The following SDK1 variants were observed in gnomAD, a reference collection of about 807,000 sequenced individuals.
SDK1 encodes the protein protein sidekick-1.
SDK1 carries 157 observed loss-of-function variants against 245.5 expected under a neutral mutation model. The observed-to-expected ratio is 0.64, with a 90% CI of 0.56 to 0.73. The LOEUF (loss-of-function observed/expected upper bound fraction) is 0.73, where lower values mean the gene tolerates loss of function less well. Ranked by LOEUF, SDK1 falls within the 30% of genes least tolerant of loss-of-function variation. The probability of loss-of-function intolerance (pLI) is 0.00; values close to 1 mark genes in which losing one functional copy is unlikely to be tolerated. For missense variants in SDK1, 3,583 were observed against 3,002.3 expected (o/e 1.19, Z -4.52); for synonymous variants, 1,647 against 1,278.5 (o/e 1.29, Z -6.15).
At chr7:3,829,136 T>G (rs1779853149) in intron 5 of SDK1, among the ~76,000 whole-genome samples, 1 of 152,240 alleles carries the variant, frequency 6.6e-6, no homozygotes, top group Non-Finnish European at 1.5e-5. Flanking sequence ...TAAAATATAC[T>G]GAAATAGTAA....
intron 1 of SDK1, among the ~76,000 whole-genome samples, chr7:3,373,573 A>G (rs1469144320): frequency 1.3e-5 from 2 of 152,110 alleles, no homozygotes; most frequent in South Asian, 2.1e-4. Flanking sequence ...TGACAGTGAA[A>G]CCCTAGAAAC....
chr7:4,128,251 G>A lies in SDK1; in HGVS notation c.3939+755G>A, dbSNP rs185135157. Among the ~76,000 whole-genome samples the A allele has an allele frequency of 2.6e-3, 396 of 152,174 alleles. 5 individuals carry two copies. The highest frequency in any genetic ancestry group is 9.1e-3 in the African/African-American group (378 of 41,518). The stretch of plus-strand genomic sequence containing the variant: ...TTGAGCGTGCCTCCTCCACCTTTCC[G>A]TACTTCACATCCCTATTCTTTGTTT... On this transcript the variant is annotated intron_variant, in intron 26 of 44. Transcript: ENST00000404826.
intron 10 of SDK1, among the ~76,000 whole-genome samples, chr7:3,968,862 TGGGCAATTTACAAAGAAAAGA>T (rs1782269475): frequency 6.6e-6 from 1 of 152,218 alleles, no homozygotes; most frequent in East Asian, 1.9e-4. Context: ...TACCTGAGAC[TGGGCAATTTACAAAGAAAAGA>T]GGTTGAATTG....
At chr7:4,001,341 T>G (rs896287584) in intron 14 of SDK1, among the ~76,000 whole-genome samples, 4 of 152,196 alleles carry the variant, frequency 2.6e-5, no homozygotes, top group African/African-American at 7.2e-5. Context: ...TCCAACCTCC[T>G]GCCCCTTCTC....
intron 1 of SDK1, among the ~76,000 whole-genome samples, chr7:3,518,943 A>G (rs2128613818): frequency 1.3e-5 from 2 of 150,828 alleles, no homozygotes; most frequent in African/African-American, 4.9e-5. Flanking sequence ...TATATATGCA[A>G]TGGAATACGC....
chr7:3,322,766 CTT>C (rs1199519998), intron 1 of SDK1, among the ~76,000 whole-genome samples: 1 of 152,158 alleles, frequency 6.6e-6, no homozygotes, highest in Non-Finnish European at 1.5e-5. Context: ...TAATTGCACT[CTT>C]TTGCTCCCTT....
chr7:3,413,853 G>T (rs1039370843), intron 1 of SDK1, among the ~76,000 whole-genome samples: 1 of 152,142 alleles, frequency 6.6e-6, no homozygotes, highest in Non-Finnish European at 1.5e-5. Context: ...GCCAGATGTG[G>T]CACATGTTTG....
chr7:3,843,172 C>T (rs1267432954), intron 5 of SDK1, among the ~76,000 whole-genome samples: 1 of 152,234 alleles, frequency 6.6e-6, no homozygotes, highest in Non-Finnish European at 1.5e-5. Context: ...GCATGGACAC[C>T]AATCTTAAGC....
intron 2 of SDK1, among the ~76,000 whole-genome samples, chr7:3,633,583 C>G (rs1219877696): frequency 6.6e-6 from 1 of 151,904 alleles, no homozygotes; most frequent in Non-Finnish European, 1.5e-5. Flanking sequence ...TTACCAAGAG[C>G]CATGTTTTTT....
intron 40 of SDK1, among the ~76,000 whole-genome samples, chr7:4,226,887 A>C (rs1038396444): frequency 6.6e-6 from 1 of 152,230 alleles, no homozygotes; most frequent in Non-Finnish European, 1.5e-5. Context: ...CAAAGCAGCC[A>C]TGAAATACAT....
At chr7:4,111,693 A>T (rs551101316) in intron 23 of SDK1, among the ~76,000 whole-genome samples, 1 of 152,358 alleles carries the variant, frequency 6.6e-6, no homozygotes, top group South Asian at 2.1e-4. Flanking sequence ...AATTAACTGA[A>T]GCTATATAGT....
chr7:3,390,441 T>A (rs1279505568), intron 1 of SDK1, among the ~76,000 whole-genome samples: 2 of 152,216 alleles, frequency 1.3e-5, no homozygotes, highest in African/African-American at 4.8e-5. Flanking sequence ...TGTGCACAAT[T>A]GATCTGGAAG....
At chr7:3,784,893 G>A (rs1476249566) in intron 4 of SDK1, among the ~76,000 whole-genome samples, 1 of 150,528 alleles carries the variant, frequency 6.6e-6, no homozygotes, top group African/African-American at 2.5e-5. Flanking sequence ...TGTTGAAGAC[G>A]TGTGCACACC....
intron 1 of SDK1, among the ~76,000 whole-genome samples, chr7:3,519,734 A>G (rs1782873149): frequency 1.3e-5 from 2 of 152,188 alleles, no homozygotes; most frequent in Admixed American, 1.3e-4. Flanking sequence ...TTATATTTCC[A>G]CAATAGAGGT....
intron 1 of SDK1, among the ~76,000 whole-genome samples, chr7:3,497,297 A>C (rs1388614236): frequency 6.6e-6 from 1 of 152,206 alleles, no homozygotes. Flanking sequence ...AATGTACGCA[A>C]GGGGACTGGT....
chr7:4,214,380 A>G (rs769273691), intron 38 of SDK1, among the ~76,000 whole-genome samples: 2 of 152,124 alleles, frequency 1.3e-5, no homozygotes, highest in Non-Finnish European at 2.9e-5. Flanking sequence ...TTTAGTCACA[A>G]CCGTTTTCGC....
At chr7:3,624,312 G>C (rs1242881862) in intron 2 of SDK1, among the ~76,000 whole-genome samples, 1 of 152,128 alleles carries the variant, frequency 6.6e-6, no homozygotes, top group Non-Finnish European at 1.5e-5. Context: ...CAGTCCTCCT[G>C]CCTCAGCCTC....
intron 1 of SDK1, among the ~76,000 whole-genome samples, chr7:3,452,656 A>G (rs547255891): frequency 6.6e-5 from 10 of 152,310 alleles, no homozygotes; most frequent in African/African-American, 2.4e-4. Context: ...TTATAGAAGA[A>G]CTTCCTACAA....
intron 1 of SDK1, among the ~76,000 whole-genome samples, chr7:3,598,687 A>G (rs888830869): frequency 6.6e-6 from 1 of 152,166 alleles, no homozygotes; most frequent in South Asian, 2.1e-4. Context: ...CATTTCAAGA[A>G]TATTATATAA....
Sources: allele counts gnomAD v4.1 joint callset (sites outside exome capture counted in the v4.1 genomes callset), GRCh38; gene constraint gnomAD v4.1.1; transcripts MANE v1.5; gene names NCBI Gene and HGNC (gene_info 2026-07-23, HGNC 2026-07-21).